The following PPP1R9A variants were observed in gnomAD, a reference collection of about 807,000 sequenced individuals.
PPP1R9A encodes the protein protein phosphatase 1 regulatory subunit 9A.
In PPP1R9A, 59 loss-of-function variants were observed where a neutral mutation model predicts 141.9. That is an observed-to-expected ratio of 0.42 (90% CI 0.34 to 0.52). PPP1R9A has a LOEUF of 0.52. Ranked by LOEUF, PPP1R9A falls within the 20% of genes least tolerant of loss-of-function variation. The pLI, the probability that PPP1R9A is intolerant of heterozygous loss-of-function variation, is 0.10. For synonymous variants in PPP1R9A, 500 were observed against 569.7 expected (o/e 0.88, Z 1.74); for missense variants, 1,444 against 1,611.9 (o/e 0.90, Z 1.78).
At chr7:95,124,944 G>T (rs1229081646) in intron 4 of PPP1R9A, among the ~76,000 whole-genome samples, 1 of 151,858 alleles carries the variant, frequency 6.6e-6, no homozygotes, top group Non-Finnish European at 1.5e-5. Flanking sequence ...ATTTGCCGTG[G>T]GTATTTATCC....
At chr7:94,989,840 C>G (rs1382049414) in intron 2 of PPP1R9A, among the ~76,000 whole-genome samples, 1 of 152,048 alleles carries the variant, frequency 6.6e-6, no homozygotes, top group African/African-American at 2.4e-5. Flanking sequence ...CAGATTGCCC[C>G]TGTTAGCTGA....
chr7:95,173,336 A>G (rs930799798), intron 5 of PPP1R9A, among the ~76,000 whole-genome samples: 3 of 152,074 alleles, frequency 2.0e-5, no homozygotes, highest in East Asian at 1.9e-4. Context: ...CACAATGTTC[A>G]TTGTTAAGGT....
At chr7:95,283,258 C>A (rs2115661271) in intron 16 of PPP1R9A, among the ~76,000 whole-genome samples, 1 of 152,326 alleles carries the variant, frequency 6.6e-6, no homozygotes, top group East Asian at 1.9e-4. Context: ...GCCTTTGAAT[C>A]CTTTAAATGT....
chr7:95,085,182 T>C (rs373798658), intron 2 of PPP1R9A, among the ~76,000 whole-genome samples: 3 of 151,994 alleles, frequency 2.0e-5, no homozygotes, highest in South Asian at 2.1e-4. Flanking sequence ...GATTTTCCTT[T>C]TCTGTGAATG....
At chr7:95,213,792 G>A (rs1918482) in intron 7 of PPP1R9A, among the ~76,000 whole-genome samples, 78,730 of 151,862 alleles carry the variant, frequency 0.52, 20,798 homozygotes, top group African/African-American at 0.62. Flanking sequence ...AGTACTCTCA[G>A]CTGAACTCTA....
At chr7:95,288,415 TATC>T (rs1805746617) in intron 18 of PPP1R9A, 118 bp from the exon 19 acceptor site, 7 of 1,371,682 alleles carry the variant, frequency 5.1e-6, no homozygotes, top group Non-Finnish European at 5.8e-6. Flanking sequence ...ACCATTAGCT[TATC>T]ATATTTTGGT....
At chr7:95,029,614 T>G (rs1807374226) in intron 2 of PPP1R9A, among the ~76,000 whole-genome samples, 1 of 152,212 alleles carries the variant, frequency 6.6e-6, no homozygotes, top group Non-Finnish European at 1.5e-5. Context: ...ATTTTTCCAC[T>G]TAATAACTTT....
At chr7:94,944,908 A>G (rs10499917) in intron 2 of PPP1R9A, among the ~76,000 whole-genome samples, 51,605 of 151,858 alleles carry the variant, frequency 0.34, 9,840 homozygotes, top group South Asian at 0.48. Flanking sequence ...CAGATTCACC[A>G]GCTAGTTCCA....
Position 95,166,106 on chromosome 7 carries a change from C to T in PPP1R9A, c.1754+4135C>T, listed in dbSNP as rs192098132. 1.0e-3 allele frequency among the ~76,000 whole-genome samples: 151 copies of T among 147,028 alleles called. 1 individual carries two copies. The highest frequency in any genetic ancestry group is 3.6e-3 in the African/African-American group (142 of 39,512). ...AGAGGTTGCAGTGAGCCGAGATGCA[C>T]CATTGCACTCCAGCCTGGGCAACAA... On this transcript the variant is annotated intron_variant, in intron 5 of 19. Transcript: ENST00000433360.
At position 95,161,961 on chromosome 7, in the gene PPP1R9A, G is replaced by T; in HGVS notation, c.1744G>T (p.Gly582Cys). 6.2e-7 allele frequency: 1 copy of T among 1,604,358 alleles called. No homozygotes were observed. Among genetic ancestry groups the T allele is most frequent in the Non-Finnish European group, 8.5e-7 (1 of 1,173,552 alleles). The stretch of plus-strand genomic sequence containing the variant: ...AGCAACAGTTCTCAGAAACACCAAG[G>T]GCAACGTCAGGTAAATACGTGCCTT... ...FAATVLRNTK[G>C]NVRFVIGREK... is the part of the protein sequence containing the mutation. The change falls in exon 5 of 20, where the codon GGC becomes TGC. Residue 582 changes from glycine to cysteine, a missense_variant. Physicochemically the swap from Gly to Cys is radical, Grantham distance 159. Transcript: ENST00000433360.
At chr7:94,912,560 A>T (rs1343430871) in intron 2 of PPP1R9A, among the ~76,000 whole-genome samples, 1 of 152,204 alleles carries the variant, frequency 6.6e-6, no homozygotes, top group East Asian at 1.9e-4. Flanking sequence ...TTTTCTCCTC[A>T]AAATCTAAAA....
At chr7:94,924,970 T>C (rs1793290063) in intron 2 of PPP1R9A, among the ~76,000 whole-genome samples, 1 of 152,122 alleles carries the variant, frequency 6.6e-6, no homozygotes, top group South Asian at 2.1e-4. Context: ...TGATATGAAA[T>C]ATTTCTGAAG....
intron 5 of PPP1R9A, among the ~76,000 whole-genome samples, chr7:95,173,144 T>C (rs930747480): frequency 6.6e-6 from 1 of 151,918 alleles, no homozygotes; most frequent in African/African-American, 2.4e-5. Flanking sequence ...AAATCTGTAA[T>C]TTTAGATTTA....
chr7:94,920,998 T>A (rs1792724661), intron 2 of PPP1R9A, among the ~76,000 whole-genome samples: 1 of 152,188 alleles, frequency 6.6e-6, no homozygotes, highest in South Asian at 2.1e-4. Flanking sequence ...TCATGGAGGC[T>A]ACATTCATAT....
chr7:95,151,734 A>C (rs1828712087), intron 4 of PPP1R9A, among the ~76,000 whole-genome samples: 1 of 151,688 alleles, frequency 6.6e-6, no homozygotes, highest in Admixed American at 6.6e-5. Flanking sequence ...GCATGTGTGC[A>C]GACAGGATCT....
At chr7:95,215,634 TTG>T (rs945745729) in intron 7 of PPP1R9A, among the ~76,000 whole-genome samples, 174 of 152,338 alleles carry the variant, frequency 1.1e-3, no homozygotes, top group African/African-American at 4.1e-3. Context: ...CCAGCACCTT[TTG>T]TTTCCTGACT....
chr7:95,092,612 A>G (rs181927098), intron 2 of PPP1R9A, among the ~76,000 whole-genome samples: 1 of 152,340 alleles, frequency 6.6e-6, no homozygotes, highest in East Asian at 1.9e-4. Flanking sequence ...GACTCCCTGT[A>G]AGCACCTGTT....
intron 2 of PPP1R9A, among the ~76,000 whole-genome samples, chr7:95,102,039 A>C (rs1458268065): frequency 4.6e-5 from 7 of 152,120 alleles, no homozygotes; most frequent in Non-Finnish European, 4.4e-5. Flanking sequence ...ACCTGGGTAG[A>C]GGGGTTTCAG....
chr7:94,969,180 C>T (rs1471385987), intron 2 of PPP1R9A, among the ~76,000 whole-genome samples: 2 of 151,956 alleles, frequency 1.3e-5, no homozygotes, highest in African/African-American at 2.4e-5. Flanking sequence ...AGTTTTGTTC[C>T]CTTACTGGCA....
Sources: allele counts gnomAD v4.1 joint callset (sites outside exome capture counted in the v4.1 genomes callset), GRCh38; gene constraint gnomAD v4.1.1; transcripts MANE v1.5; gene names NCBI Gene and HGNC (gene_info 2026-07-23, HGNC 2026-07-21).